LMF1: variants seen among roughly 807,000 people sequenced by gnomAD.
LMF1 encodes the protein transmembrane protein 112.
A neutral mutation model predicts 60.6 loss-of-function variants in LMF1; 68 were observed. The observed-to-expected ratio is 1.12, with a 90% CI of 0.92 to 1.37. LMF1 has a LOEUF of 1.37. Among genes scored for constraint, LMF1 ranks in the 40% most tolerant of loss-of-function variants. The pLI is 0.00. For missense variants in LMF1, 948 were observed against 767.2 expected (o/e 1.24, Z -2.78); for synonymous variants, 418 against 324.7 (o/e 1.29, Z -3.09).
At chr16:918,133 G>A (rs950754198) in intron 3 of LMF1, among the ~76,000 whole-genome samples, 10 of 152,200 alleles carry the variant, frequency 6.6e-5, no homozygotes, top group Non-Finnish European at 1.3e-4. Context: ...AAGGGCTTTC[G>A]TGCTTTAGAT....
At chr16:901,589 A>G (rs2070813074) in intron 4 of LMF1, 1 of 152,364 alleles carries the variant, frequency 6.6e-6, no homozygotes, top group East Asian at 1.9e-4. Context: ...AGAGACCTTC[A>G]CTTTGACACG....
At position 882,882 on chromosome 16, in the gene LMF1, G is replaced by C. The variant is rs1488547358; in HGVS notation, c.730-3145C>G. ...GCCCATCGCAGGACCAGGAGAAAGA[G>C]GAGCCACCCAGCGGAGCCCATCGCA... On this transcript the variant is annotated intron_variant, in intron 5 of 10. Coordinates refer to ENST00000262301, the MANE Select transcript of LMF1 (RefSeq NM_022773.4). Among the ~76,000 whole-genome samples the C allele has an allele frequency of 2.1e-5, 3 of 144,958 alleles. No homozygotes were observed. In the East Asian group the frequency reaches 6.2e-4, roughly 30 times the overall value.
At chr16:855,006 G>A (rs2069148585) in intron 10 of LMF1, 1 of 496,854 alleles carries the variant, frequency 2.0e-6, no homozygotes, top group East Asian at 3.7e-5. Context: ...GGGAAGGCCA[G>A]GAGCTTCACG....
rs745324578 is a variant in LMF1 at position 854,489 on chromosome 16, G to T, written c.*43C>A. 6.4e-7 allele frequency: 1 copy of T among 1,567,652 alleles called. No individual in the cohort carries two copies. The highest frequency in any genetic ancestry group is 1.8e-5 in the Admixed American group (1 of 55,046). On this transcript the variant is annotated 3_prime_UTR_variant, in exon 11 of 11. Transcript: ENST00000262301. ...CGCAGGGAAGGGCAAACGTTGCTGA[G>T]CCGCCGAGGGGCTGGGTCTTCGCCT...
intron 10 of LMF1, among the ~76,000 whole-genome samples, chr16:862,169 A>G (rs1406599504): frequency 6.7e-6 from 1 of 148,698 alleles, no homozygotes; most frequent in Non-Finnish European, 1.5e-5. Flanking sequence ...GGCAAATTCT[A>G]TTTAGTAATT....
upstream of LMF1, among the ~76,000 whole-genome samples, chr16:974,129 CCTTA>C (rs1413119866): frequency 6.6e-6 from 1 of 152,224 alleles, no homozygotes; most frequent in South Asian, 2.1e-4. Context: ...TTTACGCTCA[CCTTA>C]CTTCTTTGTC....
At chr16:911,553 G>A (rs1350148927) in intron 3 of LMF1, among the ~76,000 whole-genome samples, 4 of 73,798 alleles carry the variant, frequency 5.4e-5, no homozygotes, top group Non-Finnish European at 7.7e-5. Context: ...GCACTGGGGG[G>A]GCAGCACTTG....
intron 3 of LMF1, among the ~76,000 whole-genome samples, chr16:928,628 C>T (rs2071679057): frequency 6.6e-6 from 1 of 152,092 alleles, no homozygotes; most frequent in African/African-American, 2.4e-5. Context: ...GGCCTCCAGC[C>T]CCTCCCCACA....
At chr16:971,254 C>T (rs2073047121), upstream of LMF1, among the ~76,000 whole-genome samples, 1 of 152,230 alleles carries the variant, frequency 6.6e-6, no homozygotes, top group Admixed American at 6.5e-5. Flanking sequence ...TGGTGCGCGT[C>T]GCCCGACCCG....
intron 10 of LMF1, among the ~76,000 whole-genome samples, chr16:860,910 G>A (rs931846188): frequency 1.3e-5 from 2 of 152,026 alleles, no homozygotes; most frequent in African/African-American, 2.4e-5. Context: ...AGATTGATTC[G>A]TTCCACCTTG....
At chr16:940,225 C>T (rs539234236) in intron 2 of LMF1, among the ~76,000 whole-genome samples, 2 of 152,302 alleles carry the variant, frequency 1.3e-5, no homozygotes, top group South Asian at 2.1e-4. Flanking sequence ...ACCCTGATTT[C>T]GGACTTCTGG....
intron 10 of LMF1, among the ~76,000 whole-genome samples, chr16:857,536 ACGGGTGTGAGTGGTG>A: frequency 2.5e-5 from 2 of 81,264 alleles, no homozygotes; most frequent in Non-Finnish European, 4.6e-5. Context: ...GTGTCACGGG[ACGGGTGTGAGTGGTG>A]TCACGGGACG....
chr16:879,572 G>A lies in LMF1; in HGVS notation c.895C>T (p.Gln299Ter), dbSNP rs554054538. 4.1e-5 allele frequency: 66 copies of A among 1,612,636 alleles called. No individual in the cohort carries two copies. The highest frequency in any genetic ancestry group is 5.3e-5 in the Non-Finnish European group (63 of 1,179,664). Residue 299 changes from glutamine (Q) to a stop codon, truncating the protein, a stop_gained and splice_region_variant, in exon 6 of 11, where the codon CAG becomes TAG. Coordinates refer to ENST00000262301, the MANE Select transcript of LMF1 (RefSeq NM_022773.4). LOFTEE classifies it high-confidence loss of function. The stretch of plus-strand genomic sequence containing the variant: ...CAGGGCGGGCGGCGCGGGCTCACCT[G>A]GAACAGGATCTGCAGCACCCCGTGG... ...IIHGVLQILFQAVLIVSGNLS... is the reference protein window; with the variant it reads ...IIHGVLQILF
chr16:917,670 G>T (rs1257577971), intron 3 of LMF1, among the ~76,000 whole-genome samples: 1 of 152,210 alleles, frequency 6.6e-6, no homozygotes, highest in African/African-American at 2.4e-5. Flanking sequence ...AGACATGCCT[G>T]CCCCCGTACC....
At chr16:859,446 ACGGGACGGGTGTGAGTGGTGTCT>A (rs2069359922) in intron 10 of LMF1, among the ~76,000 whole-genome samples, 5 of 50,036 alleles carry the variant, frequency 1.0e-4, no homozygotes, top group Non-Finnish European at 1.3e-4. Flanking sequence ...GAGTGGTGTC[ACGGGACGGGTGTGAGTGGTGTCT>A]CGGGACGGGT....
chr16:925,937 CAT>C (rs528490183), intron 3 of LMF1, among the ~76,000 whole-genome samples: 115 of 152,358 alleles, frequency 7.5e-4, no homozygotes, highest in South Asian at 3.5e-3. Context: ...ATATGATCTG[CAT>C]ATGTGTCTGT....
At position 889,381 on chromosome 16, in the gene LMF1, C is replaced by A. The variant is rs971812149; in HGVS notation, c.729+3626G>T. ...GCGGATGGCCATGGGTGTGAGGCTGCGGATGGCCGTGGGTGTGAGGCTGTG... is the reference window on the plus strand; with the variant it reads ...GCGGATGGCCATGGGTGTGAGGCTGAGGATGGCCGTGGGTGTGAGGCTGTG... On this transcript the variant is annotated intron_variant, in intron 5 of 10. Transcript: ENST00000262301. Among the ~76,000 whole-genome samples, 3 of 147,800 alleles carry A rather than the reference C, an allele frequency of 2.0e-5. No individual in the cohort carries two copies. The East Asian group carries it at 5.8e-4, about 29-fold the overall frequency.
intron 6 of LMF1, among the ~76,000 whole-genome samples, chr16:877,908 G>GACTT (rs1469677604): frequency 6.6e-6 from 1 of 152,162 alleles, no homozygotes; most frequent in Non-Finnish European, 1.5e-5. Context: ...GAGGAAGTGT[G>GACTT]ACTTAAAAGG....
upstream of LMF1, among the ~76,000 whole-genome samples, chr16:971,728 C>G (rs534031742): frequency 6.6e-6 from 1 of 152,118 alleles, no homozygotes; most frequent in African/African-American, 2.4e-5. Context: ...TGATGTGAAG[C>G]GGGTGCTAGG....
Sources: gnomAD v4.1 joint callset for allele counts (sites outside exome capture counted in the v4.1 genomes callset) on GRCh38, gnomAD v4.1.1 for gene constraint, MANE v1.5 for transcripts, NCBI Gene and HGNC (gene_info 2026-07-23, HGNC 2026-07-21) for gene names.